The following CNTNAP2 variants were observed in gnomAD, a reference collection of about 807,000 sequenced individuals.
CNTNAP2 encodes contactin associated protein 2.
In CNTNAP2, 98 loss-of-function variants were observed where a neutral mutation model predicts 155.2. That is an observed-to-expected ratio of 0.63 (90% CI 0.54 to 0.75). The LOEUF is 0.75. Among genes scored for constraint, CNTNAP2 ranks in the 30% least tolerant of loss-of-function variants. The pLI is 0.00. For synonymous variants in CNTNAP2, 651 were observed against 631.2 expected (o/e 1.03, Z -0.47); for missense variants, 1,727 against 1,688.1 (o/e 1.02, Z -0.40).
In CNTNAP2 at chr7:146,370,623, G is replaced by A. The variant is rs193035956; in HGVS notation, c.97+253650G>A. Among the ~76,000 whole-genome samples, 4 of 152,102 alleles carry A rather than the reference G, an allele frequency of 2.6e-5. No homozygotes were observed. The East Asian group carries it at 5.8e-4, about 22-fold the overall frequency. On this transcript the variant is annotated intron_variant, in intron 1 of 23. Coordinates refer to ENST00000361727, the MANE Select transcript of CNTNAP2 (RefSeq NM_014141.6). ...GCCTTAACATATGCTGAAGCATTTG[G>A]TAGAACTAGTCGCCACTCATTAATC...
chr7:147,759,586 C>A (rs1797267766), intron 13 of CNTNAP2, among the ~76,000 whole-genome samples: 1 of 152,178 alleles, frequency 6.6e-6, no homozygotes, highest in South Asian at 2.1e-4. Context: ...AAGTATCCAG[C>A]TTTCCTAATA....
intron 8 of CNTNAP2, among the ~76,000 whole-genome samples, chr7:147,251,173 C>A (rs1340995146): frequency 1.3e-5 from 2 of 152,148 alleles, no homozygotes; most frequent in Non-Finnish European, 2.9e-5. Context: ...TAAAAAAGAG[C>A]AGGATTTCAC....
intron 8 of CNTNAP2, among the ~76,000 whole-genome samples, chr7:147,246,056 C>CACAAATATATGGCATATATATATAT (rs1804055093): frequency 7.5e-6 from 1 of 133,500 alleles, no homozygotes; most frequent in Admixed American, 7.8e-5. Context: ...TATATATATA[C>CACAAATATATGGCATATATATATAT]ACATATATAT....
At chr7:146,682,199 A>C (rs73455275) in intron 1 of CNTNAP2, among the ~76,000 whole-genome samples, 5,828 of 152,174 alleles carry the variant, frequency 0.038, 386 homozygotes, top group African/African-American at 0.13. Flanking sequence ...TAGTTTCCTC[A>C]CTGTGGAAGA....
intron 12 of CNTNAP2, among the ~76,000 whole-genome samples, chr7:147,594,576 T>G (rs1304999827): frequency 6.6e-6 from 1 of 152,220 alleles, no homozygotes; most frequent in Non-Finnish European, 1.5e-5. Flanking sequence ...TCTGATCTGC[T>G]TATTTTCTGG....
chr7:146,738,847 T>A (rs919911229), intron 1 of CNTNAP2, among the ~76,000 whole-genome samples: 10 of 151,756 alleles, frequency 6.6e-5, no homozygotes, highest in Admixed American at 6.6e-5. Flanking sequence ...TTCTGTTTTT[T>A]TTTTTTCATA....
intron 1 of CNTNAP2, among the ~76,000 whole-genome samples, chr7:146,432,850 C>T (rs1563081805): frequency 6.6e-6 from 1 of 152,166 alleles, no homozygotes; most frequent in African/African-American, 2.4e-5. Flanking sequence ...TCAAAGCCTG[C>T]ATTCTCCGTG....
intron 8 of CNTNAP2, among the ~76,000 whole-genome samples, chr7:147,157,041 C>T (rs7792380): frequency 0.4 from 60,455 of 151,932 alleles, 12,730 homozygotes; most frequent in South Asian, 0.56. Flanking sequence ...CCATTTGTCT[C>T]CAGGCATGGC....
At chr7:146,762,560 G>A (rs36014942) in intron 1 of CNTNAP2, among the ~76,000 whole-genome samples, 22,914 of 152,016 alleles carry the variant, frequency 0.15, 2,018 homozygotes, top group African/African-American at 0.24. Context: ...GATCGTGCCA[G>A]TACACTCCAG....
At chr7:147,572,701 AAC>A (rs55950116) in intron 12 of CNTNAP2, among the ~76,000 whole-genome samples, 55,926 of 148,624 alleles carry the variant, frequency 0.38, 10,567 homozygotes, top group South Asian at 0.48. Context: ...CAGGATGGGA[AAC>A]ACACACACAC....
chr7:147,382,101 G>A (rs1193228849), intron 9 of CNTNAP2, among the ~76,000 whole-genome samples: 1 of 151,388 alleles, frequency 6.6e-6, no homozygotes, highest in African/African-American at 2.4e-5. Context: ...GTTTATATAT[G>A]GCATAATAAT....
intron 18 of CNTNAP2, among the ~76,000 whole-genome samples, chr7:148,201,667 G>C (rs566004345): frequency 6.6e-6 from 1 of 152,030 alleles, no homozygotes; most frequent in Non-Finnish European, 1.5e-5. Flanking sequence ...TTTGTGCCCC[G>C]TCCTTTGGGT....
At chr7:148,181,799 C>CCAG (rs1795042081) in intron 18 of CNTNAP2, among the ~76,000 whole-genome samples, 1 of 114,776 alleles carries the variant, frequency 8.7e-6, no homozygotes, top group South Asian at 3.0e-4. Context: ...GCACTGTCAC[C>CCAG]CAGGCTGGAG....
At chr7:146,291,105 T>C (rs936037679) in intron 1 of CNTNAP2, among the ~76,000 whole-genome samples, 1 of 152,146 alleles carries the variant, frequency 6.6e-6, no homozygotes, top group Non-Finnish European at 1.5e-5. Context: ...AGATAAAACA[T>C]GATGAATATG....
At chr7:146,256,729 T>TA (rs1431885699) in intron 1 of CNTNAP2, among the ~76,000 whole-genome samples, 3 of 151,940 alleles carry the variant, frequency 2.0e-5, no homozygotes, top group Non-Finnish European at 4.4e-5. Context: ...CTTTTACCCA[T>TA]AAAATCCCAT....
intron 3 of CNTNAP2, among the ~76,000 whole-genome samples, chr7:146,913,277 A>C (rs1796326747): frequency 6.6e-6 from 1 of 152,142 alleles, no homozygotes; most frequent in Non-Finnish European, 1.5e-5. Flanking sequence ...GAATATGGAA[A>C]GAGGATGAGG....
At chr7:146,715,381 A>G (rs1801170480) in intron 1 of CNTNAP2, among the ~76,000 whole-genome samples, 1 of 152,182 alleles carries the variant, frequency 6.6e-6, no homozygotes, top group Non-Finnish European at 1.5e-5. Context: ...ACTGTGAAAT[A>G]CAGCAAGTCC....
At chr7:148,307,311 C>G (rs535545729) in intron 21 of CNTNAP2, among the ~76,000 whole-genome samples, 3 of 152,278 alleles carry the variant, frequency 2.0e-5, no homozygotes, top group Admixed American at 6.5e-5. Context: ...TCACGAGCTT[C>G]CAGTGAGTTC....
intron 1 of CNTNAP2, among the ~76,000 whole-genome samples, chr7:146,164,519 CATT>C (rs780168456): frequency 7.9e-5 from 12 of 152,124 alleles, no homozygotes; most frequent in Non-Finnish European, 1.3e-4. Flanking sequence ...ACTTCCTTGA[CATT>C]ATTAGAGGGG....
Sources: allele counts gnomAD v4.1 joint callset (sites outside exome capture counted in the v4.1 genomes callset), GRCh38; gene constraint gnomAD v4.1.1; transcripts MANE v1.5; gene names NCBI Gene and HGNC (gene_info 2026-07-23, HGNC 2026-07-21).